The following CMIP variants were observed in gnomAD, a reference collection of about 807,000 sequenced individuals.
CMIP encodes the protein c-Maf inducing protein.
In CMIP, 13 loss-of-function variants were observed where a neutral mutation model predicts 97.3. That is an observed-to-expected ratio of 0.13 (90% confidence interval 0.09 to 0.21). CMIP has a LOEUF of 0.21. Ranked by LOEUF, CMIP falls within the 10% of genes least tolerant of loss-of-function variation. CMIP has a pLI of 1.00. For missense variants in CMIP, 847 were observed against 1,024.9 expected (o/e 0.83, Z 2.37); for synonymous variants, 538 against 436.3 (o/e 1.23, Z -2.91).
intron 1 of CMIP, among the ~76,000 whole-genome samples, chr16:81,529,372 G>A (rs2090189284): frequency 6.6e-6 from 1 of 152,162 alleles, no homozygotes; most frequent in Non-Finnish European, 1.5e-5. Context: ...ACCGAGTGTG[G>A]GTGGGCAGAG....
intron 13 of CMIP, among the ~76,000 whole-genome samples, chr16:81,694,322 C>T (rs1410442053): frequency 2.0e-5 from 3 of 152,174 alleles, no homozygotes; most frequent in Non-Finnish European, 2.9e-5. Context: ...GACCTAGACT[C>T]GTGCTCCCGG....
At position 81,503,484 on chromosome 16, in the gene CMIP, C is replaced by T. The variant is rs563162144; in HGVS notation, c.300+57943C>T. Among the ~76,000 whole-genome samples, 21 of 152,214 alleles carry T rather than the reference C, an allele frequency of 1.4e-4. 1 individual carries two copies. Among genetic ancestry groups the T allele is most frequent in the African/African-American group, 5.1e-4 (21 of 41,530 alleles). On this transcript the variant is annotated intron_variant, in intron 1 of 20. Coordinates refer to ENST00000537098, the MANE Select transcript of CMIP (RefSeq NM_198390.3). Reference sequence around the variant, plus strand: ...CAATTATGGCTTACTGCAGCCTTGACCCCCCAGGCTCAAGCCATCCTCCCA... The same window carrying T: ...CAATTATGGCTTACTGCAGCCTTGATCCCCCAGGCTCAAGCCATCCTCCCA...
intron 3 of CMIP, among the ~76,000 whole-genome samples, chr16:81,648,119 C>G (rs1212889866): frequency 1.3e-5 from 2 of 150,624 alleles, no homozygotes; most frequent in African/African-American, 4.9e-5. Context: ...TGGATCTTGT[C>G]CTTGTGTCAC....
At chr16:81,553,012 G>A (rs905167535) in intron 1 of CMIP, among the ~76,000 whole-genome samples, 10 of 152,324 alleles carry the variant, frequency 6.6e-5, no homozygotes, top group African/African-American at 2.4e-4. Context: ...CTAAAGACGT[G>A]ACTTGTCAGC....
At chr16:81,702,488 G>C in intron 16 of CMIP, 134 bp from the exon 17 acceptor site, 10 of 907,674 alleles carry the variant, frequency 1.1e-5, no homozygotes, top group Non-Finnish European at 1.6e-5. Context: ...TTGCCCCTGA[G>C]ACCAAGACCA....
At chr16:81,530,678 G>T (rs1483509621) in intron 1 of CMIP, among the ~76,000 whole-genome samples, 1 of 152,086 alleles carries the variant, frequency 6.6e-6, no homozygotes, top group African/African-American at 2.4e-5. Flanking sequence ...GGGTGCCCGC[G>T]TGGCTGCTAC....
intron 1 of CMIP, among the ~76,000 whole-genome samples, chr16:81,577,850 A>T (rs111770539): frequency 5.9e-5 from 8 of 136,318 alleles, no homozygotes; most frequent in African/African-American, 2.0e-4. Context: ...CACCATCACC[A>T]TCATCACCAT....
chr16:81,529,250 T>C (rs1293719236), intron 1 of CMIP, among the ~76,000 whole-genome samples: 2 of 152,140 alleles, frequency 1.3e-5, no homozygotes, highest in East Asian at 3.8e-4. Context: ...GAGAATATCT[T>C]GGGATGGGCC....
intron 1 of CMIP, among the ~76,000 whole-genome samples, chr16:81,565,672 G>T (rs1014889077): frequency 1.3e-5 from 2 of 152,156 alleles, no homozygotes; most frequent in Non-Finnish European, 2.9e-5. Context: ...CATGGCAGCG[G>T]GGCAGGGGAG....
In CMIP at chr16:81,605,553, C is replaced by T. The variant is rs367566165; in HGVS notation, c.301-2014C>T. On this transcript the variant is annotated intron_variant, in intron 1 of 20. Transcript: ENST00000537098. ...CTGAGCCCCTAGGTGGACCTACCAG[C>T]CTCTCCAGGAGTGACCCACCCTTCT... Among the ~76,000 whole-genome samples the T allele has an allele frequency of 5.3e-5, 8 of 152,334 alleles. No homozygotes were observed. The South Asian group carries it at 1.7e-3, about 32-fold the overall frequency.
chr16:81,605,440 C>T (rs1801950049), intron 1 of CMIP, among the ~76,000 whole-genome samples: 1 of 152,210 alleles, frequency 6.6e-6, no homozygotes, highest in Admixed American at 6.5e-5. Context: ...TGTCCCCCTG[C>T]CACCACTGTC....
chr16:81,658,925 C>T (rs1024576214), intron 5 of CMIP, among the ~76,000 whole-genome samples: 5 of 152,214 alleles, frequency 3.3e-5, no homozygotes, highest in Non-Finnish European at 7.3e-5. Flanking sequence ...TAGCTGGGTA[C>T]TGTATGCACA....
intron 13 of CMIP, chr16:81,696,143 CAG>C (rs1906693154): frequency 3.8e-6 from 1 of 263,474 alleles, no homozygotes; most frequent in Non-Finnish European, 7.4e-6. Flanking sequence ...GAGAACCAAA[CAG>C]AGAACGGAGA....
At chr16:81,575,636 C>T (rs1198476116) in intron 1 of CMIP, among the ~76,000 whole-genome samples, 2 of 152,182 alleles carry the variant, frequency 1.3e-5, no homozygotes, top group African/African-American at 4.8e-5. Flanking sequence ...TCCTTGGTTC[C>T]TCTGGGGATG....
intron 1 of CMIP, among the ~76,000 whole-genome samples, chr16:81,585,517 T>C (rs1211738299): frequency 6.6e-6 from 1 of 152,196 alleles, no homozygotes; most frequent in Non-Finnish European, 1.5e-5. Context: ...CTGATTTCTG[T>C]CCTGTGGATT....
intron 1 of CMIP, among the ~76,000 whole-genome samples, chr16:81,472,433 C>T (rs1208606431): frequency 1.3e-5 from 2 of 152,194 alleles, no homozygotes; most frequent in East Asian, 1.9e-4. Context: ...CTGTGTGTGG[C>T]GTGCCCCATG....
At chr16:81,638,761 G>C (rs1258500922) in intron 3 of CMIP, among the ~76,000 whole-genome samples, 1 of 152,108 alleles carries the variant, frequency 6.6e-6, no homozygotes, top group East Asian at 1.9e-4. Context: ...GTGGGAATGA[G>C]GGAGGTGCCT....
intron 1 of CMIP, among the ~76,000 whole-genome samples, chr16:81,528,284 T>A (rs2090169821): frequency 6.6e-6 from 1 of 152,196 alleles, no homozygotes. Context: ...AAGACTTTTT[T>A]TTTTCATTCT....
chr16:81,615,080 A>G (rs1295097850), intron 2 of CMIP, among the ~76,000 whole-genome samples: 1 of 135,826 alleles, frequency 7.4e-6, no homozygotes, highest in Non-Finnish European at 1.6e-5. Flanking sequence ...TCTGTGTGGT[A>G]TGTCTTTGTG....
Sources: allele counts gnomAD v4.1 joint callset (sites outside exome capture counted in the v4.1 genomes callset), GRCh38; gene constraint gnomAD v4.1.1; transcripts MANE v1.5; gene names NCBI Gene and HGNC (gene_info 2026-07-23, HGNC 2026-07-21).